The following PTPRD variants were observed in gnomAD, a reference collection of about 807,000 sequenced individuals.
PTPRD encodes the protein receptor-type tyrosine-protein phosphatase delta.
PTPRD carries 34 observed loss-of-function variants against 214.5 expected under a neutral mutation model. That is an observed-to-expected ratio of 0.16 (90% confidence interval 0.12 to 0.21). The LOEUF is 0.21. Among genes scored for constraint, PTPRD ranks in the 10% least tolerant of loss-of-function variants. The probability of loss-of-function intolerance (pLI) is 1.00; values close to 1 mark genes in which losing one functional copy is unlikely to be tolerated. For missense variants in PTPRD, 2,545 were observed against 2,398.7 expected (o/e 1.06, Z -1.27); for synonymous variants, 1,128 against 845.7 (o/e 1.33, Z -5.79).
intron 8 of PTPRD, among the ~76,000 whole-genome samples, chr9:9,483,837 T>G (rs998522060): frequency 5.3e-5 from 8 of 151,678 alleles, no homozygotes; most frequent in African/African-American, 1.9e-4. Flanking sequence ...CGTTCTCTGT[T>G]TGGACCTGCC....
chr9:10,440,945 C>T (rs191406779), intron 2 of PTPRD, among the ~76,000 whole-genome samples: 44 of 151,834 alleles, frequency 2.9e-4, no homozygotes, highest in African/African-American at 1.0e-3. Flanking sequence ...TATGTTCACA[C>T]ACTTAGTACC....
At chr9:9,447,491 C>A (rs966220337) in intron 8 of PTPRD, among the ~76,000 whole-genome samples, 2 of 151,874 alleles carry the variant, frequency 1.3e-5, no homozygotes, top group African/African-American at 4.8e-5. Context: ...AAGAGGGGAA[C>A]AACAGACACT....
intron 2 of PTPRD, among the ~76,000 whole-genome samples, chr9:10,501,184 A>G (rs997773884): frequency 7.9e-5 from 12 of 151,864 alleles, no homozygotes; most frequent in African/African-American, 2.9e-4. Flanking sequence ...CCTTTTCTCT[A>G]CATCCTCATT....
chr9:8,964,190 G>GTTTTTT (rs1334290420), intron 11 of PTPRD, among the ~76,000 whole-genome samples: 550 of 52,756 alleles, frequency 0.01, 62 homozygotes, highest in East Asian at 0.031. Context: ...GTTCAGGGCT[G>GTTTTTT]TGTTTTTTTT....
chr9:9,722,100 C>G (rs781183737), intron 7 of PTPRD, among the ~76,000 whole-genome samples: 1 of 151,826 alleles, frequency 6.6e-6, no homozygotes, highest in African/African-American at 2.4e-5. Context: ...ATTTTACACA[C>G]CATAAAACTC....
intron 2 of PTPRD, among the ~76,000 whole-genome samples, chr9:10,407,594 T>C (rs1163777095): frequency 1.3e-5 from 2 of 151,576 alleles, no homozygotes; most frequent in East Asian, 2.0e-4. Context: ...TTTACAACTT[T>C]TTAGAAAGTT....
chr9:9,085,253 T>C (rs1226450033), intron 10 of PTPRD, among the ~76,000 whole-genome samples: 1 of 152,180 alleles, frequency 6.6e-6, no homozygotes, highest in Non-Finnish European at 1.5e-5. Context: ...ACCTTTTAAT[T>C]ATTTTATAAC....
intron 5 of PTPRD, among the ~76,000 whole-genome samples, chr9:9,787,213 T>C (rs1305712473): frequency 6.6e-6 from 1 of 151,694 alleles, no homozygotes; most frequent in Non-Finnish European, 1.5e-5. Context: ...TTATAAAATA[T>C]TTCATTAAAA....
rs72702543 is a variant in PTPRD at position 9,417,245 on chromosome 9, T to A, written c.-236-19763A>T. Among the ~76,000 whole-genome samples, 927 of 152,284 alleles carry A rather than the reference T, an allele frequency of 6.1e-3. 15 individuals are homozygous for A. The highest frequency in any genetic ancestry group is 0.017 in the Middle Eastern group (5 of 294). Reference sequence around the variant, plus strand: ...GATACAAATTTAAATGGAATGTTAATCTGCTTGGTAAAATTAGAGTTTTAA... The same window carrying A: ...GATACAAATTTAAATGGAATGTTAAACTGCTTGGTAAAATTAGAGTTTTAA... On this transcript the variant is annotated intron_variant, in intron 8 of 45. Coordinates refer to ENST00000381196, the MANE Select transcript of PTPRD (RefSeq NM_002839.4).
intron 9 of PTPRD, among the ~76,000 whole-genome samples, chr9:9,251,875 G>T (rs1013036981): frequency 5.9e-5 from 9 of 151,992 alleles, no homozygotes; most frequent in Admixed American, 5.9e-4. Context: ...ACTACGCATT[G>T]GGCCACCTTG....
At chr9:8,353,104 C>T (rs952130761) in intron 39 of PTPRD, among the ~76,000 whole-genome samples, 3 of 152,006 alleles carry the variant, frequency 2.0e-5, no homozygotes, top group Non-Finnish European at 4.4e-5. Flanking sequence ...AACAAGACTC[C>T]GTCTCAAAAA....
chr9:9,708,363 G>A (rs1258972104), intron 7 of PTPRD, among the ~76,000 whole-genome samples: 1 of 151,984 alleles, frequency 6.6e-6, no homozygotes, highest in African/African-American at 2.4e-5. Flanking sequence ...GATAAGAGAA[G>A]AAACCCAAAT....
intron 10 of PTPRD, among the ~76,000 whole-genome samples, chr9:9,088,802 T>A (rs1378235788): frequency 1.3e-5 from 2 of 152,016 alleles, no homozygotes; most frequent in East Asian, 3.9e-4. Flanking sequence ...GGAGTCAGTG[T>A]CTGGATTTGA....
At chr9:10,086,207 C>G (rs2098334615) in intron 3 of PTPRD, among the ~76,000 whole-genome samples, 1 of 151,710 alleles carries the variant, frequency 6.6e-6, no homozygotes. Context: ...CTAAATATAT[C>G]ATTTGTGTAA....
At chr9:8,525,061 A>G (rs781473243) in intron 17 of PTPRD, 26 bp from the exon 18 acceptor site, 1 of 1,575,740 alleles carries the variant, frequency 6.3e-7, no homozygotes, top group African/African-American at 1.3e-5. Flanking sequence ...ATATATTGCC[A>G]AAGAGATGAT....
chr9:8,842,864 A>C (rs2097586168), intron 11 of PTPRD, among the ~76,000 whole-genome samples: 1 of 152,182 alleles, frequency 6.6e-6, no homozygotes, highest in Admixed American at 6.5e-5. Flanking sequence ...GATACCCTTC[A>C]CATCTCCCTC....
intron 2 of PTPRD, among the ~76,000 whole-genome samples, chr9:10,455,567 T>G (rs1411117626): frequency 6.6e-6 from 1 of 151,782 alleles, no homozygotes; most frequent in East Asian, 1.9e-4. Flanking sequence ...TGCTTTACAG[T>G]AGTTTTTAAT....
intron 5 of PTPRD, among the ~76,000 whole-genome samples, chr9:9,861,795 G>GA (rs1565840493): frequency 6.6e-6 from 1 of 151,980 alleles, no homozygotes; most frequent in African/African-American, 2.4e-5. Flanking sequence ...GTAATGACAA[G>GA]AAAAACAAGT....
intron 11 of PTPRD, among the ~76,000 whole-genome samples, chr9:8,781,983 T>A (rs75405181): frequency 0.11 from 15,949 of 149,488 alleles, 1,073 homozygotes; most frequent in Middle Eastern, 0.15. Context: ...TTTTTTTTTT[T>A]ATTTTTCAAA....
Sources: allele counts gnomAD v4.1 joint callset (sites outside exome capture counted in the v4.1 genomes callset), GRCh38; gene constraint gnomAD v4.1.1; transcripts MANE v1.5; gene names NCBI Gene and HGNC (gene_info 2026-07-23, HGNC 2026-07-21).